Variants in FAM107B observed in about 807,000 individuals in gnomAD.
The protein encoded by FAM107B is family with sequence similarity 107 member B.
FAM107B carries 21 observed loss-of-function variants against 31.5 expected under a neutral mutation model. The observed-to-expected ratio is 0.67, with a 90% CI of 0.47 to 0.96. The LOEUF (loss-of-function observed/expected upper bound fraction) is 0.96, where lower values mean the gene tolerates loss of function less well. Among genes scored for constraint, FAM107B ranks in the 40% least tolerant of loss-of-function variants. FAM107B has a pLI of 0.00. For synonymous variants in FAM107B, 157 were observed against 141.5 expected (o/e 1.11, Z -0.78); for missense variants, 452 against 377.1 (o/e 1.20, Z -1.64).
chr10:14,569,674 TCAG>T (rs1406808408), intron 2 of FAM107B, among the ~76,000 whole-genome samples: 2 of 152,092 alleles, frequency 1.3e-5, no homozygotes, highest in Non-Finnish European at 2.9e-5. Flanking sequence ...AGCTCACAGG[TCAG>T]CAGAAGTGAC....
chr10:14,737,033 C>A (rs1399199926), intron 1 of FAM107B, among the ~76,000 whole-genome samples: 2 of 151,984 alleles, frequency 1.3e-5, no homozygotes, highest in Non-Finnish European at 2.9e-5. Context: ...CTTGAGAGCC[C>A]AGAGACAGAC....
At chr10:14,667,224 A>C (rs189976171) in intron 2 of FAM107B, among the ~76,000 whole-genome samples, 1 of 152,186 alleles carries the variant, frequency 6.6e-6, no homozygotes, top group Non-Finnish European at 1.5e-5. Flanking sequence ...GCGAAGCTGC[A>C]TACTTGACCA....
chr10:14,553,255 T>C (rs1219387821), intron 2 of FAM107B: 1 of 890,186 alleles, frequency 1.1e-6, no homozygotes, highest in Non-Finnish European at 1.5e-6. Flanking sequence ...AGGTAAGTTT[T>C]TCCCCTACAT....
At chr10:14,771,998 G>A (rs548423560) in intron 1 of FAM107B, among the ~76,000 whole-genome samples, 1 of 152,246 alleles carries the variant, frequency 6.6e-6, no homozygotes, top group Admixed American at 6.5e-5. Context: ...TCTCTTTGTG[G>A]CCTTGGGCAA....
intron 1 of FAM107B, among the ~76,000 whole-genome samples, chr10:14,753,096 T>C (rs969956175): frequency 6.6e-6 from 1 of 152,178 alleles, no homozygotes; most frequent in Non-Finnish European, 1.5e-5. Context: ...TCAAAAGCTA[T>C]TTATGGCATT....
intron 2 of FAM107B, among the ~76,000 whole-genome samples, chr10:14,666,396 T>A (rs901946472): frequency 6.6e-6 from 1 of 151,958 alleles, no homozygotes; most frequent in Non-Finnish European, 1.5e-5. Flanking sequence ...AACCATCAGA[T>A]CTCATGAGAA....
At chr10:14,603,617 G>A (rs1035694738) in intron 2 of FAM107B, among the ~76,000 whole-genome samples, 24 of 152,208 alleles carry the variant, frequency 1.6e-4, no homozygotes, top group African/African-American at 4.8e-4. Context: ...AAGATGCCTG[G>A]GGGAAATTAC....
chr10:14,661,834 G>A (rs868712578), intron 2 of FAM107B: 9 of 152,208 alleles, frequency 5.9e-5, no homozygotes, highest in Admixed American at 4.6e-4. Flanking sequence ...CAGCAACTTC[G>A]AATAACTGGC....
intron 2 of FAM107B, among the ~76,000 whole-genome samples, chr10:14,622,429 C>G (rs1351417316): frequency 1.3e-5 from 2 of 152,058 alleles, no homozygotes; most frequent in African/African-American, 4.8e-5. Context: ...GCCTCAACCT[C>G]CCGAGTAGCT....
intron 2 of FAM107B, among the ~76,000 whole-genome samples, chr10:14,555,039 C>T (rs1488395577): frequency 6.6e-6 from 1 of 152,210 alleles, no homozygotes; most frequent in Non-Finnish European, 1.5e-5. Context: ...CAGTACACAA[C>T]ACTGCCTGCT....
intron 1 of FAM107B, among the ~76,000 whole-genome samples, chr10:14,715,869 A>T (rs935747054): frequency 2.0e-5 from 3 of 151,956 alleles, no homozygotes; most frequent in Non-Finnish European, 4.4e-5. Context: ...AGGCCTTTGT[A>T]CTCTGACCAA....
chr10:14,755,872 C>T (rs1280156468), intron 1 of FAM107B, among the ~76,000 whole-genome samples: 1 of 152,128 alleles, frequency 6.6e-6, no homozygotes, highest in East Asian at 1.9e-4. Context: ...AAATTTTACT[C>T]TGAAAGTTTA....
intron 2 of FAM107B, among the ~76,000 whole-genome samples, chr10:14,585,611 C>A (rs750999465): frequency 4.6e-5 from 7 of 152,166 alleles, no homozygotes; most frequent in Admixed American, 2.0e-4. Context: ...AAACAGACGG[C>A]CATCTAAAAC....
intron 2 of FAM107B, among the ~76,000 whole-genome samples, chr10:14,623,768 G>C (rs1012843829): frequency 2.6e-5 from 4 of 152,214 alleles, no homozygotes; most frequent in Non-Finnish European, 5.9e-5. Context: ...GGAGGCCGCA[G>C]TGAGCTGAGA....
At chr10:14,532,667 C>A (rs1317888839) in intron 2 of FAM107B, 1 of 152,206 alleles carries the variant, frequency 6.6e-6, no homozygotes, top group Non-Finnish European at 1.5e-5. Context: ...TGCTCCTCGG[C>A]AAAATCCTAA....
At chr10:14,751,068 G>A (rs937586242) in intron 1 of FAM107B, among the ~76,000 whole-genome samples, 3 of 152,216 alleles carry the variant, frequency 2.0e-5, no homozygotes, top group Non-Finnish European at 4.4e-5. Context: ...CTGGCCCCAT[G>A]TGCTGTTGAC....
chr10:14,558,284 C>A (rs1028392300), intron 2 of FAM107B, among the ~76,000 whole-genome samples: 18 of 149,014 alleles, frequency 1.2e-4, no homozygotes, highest in African/African-American at 4.4e-4. Flanking sequence ...TGCACGCACA[C>A]ACACACATAC....
chr10:14,730,748 A>G (rs1326104298), intron 1 of FAM107B, among the ~76,000 whole-genome samples: 4 of 152,212 alleles, frequency 2.6e-5, no homozygotes, highest in Non-Finnish European at 5.9e-5. Flanking sequence ...ACTTAGATCT[A>G]TGGTGACCAG....
At chr10:14,669,784 G>A (rs766210641) in intron 1 of FAM107B, among the ~76,000 whole-genome samples, 20 of 152,308 alleles carry the variant, frequency 1.3e-4, no homozygotes, top group Admixed American at 2.6e-4. Flanking sequence ...GAAAGGGTGC[G>A]GTGTGGGGAA....
Sources: gnomAD v4.1 joint callset for allele counts (sites outside exome capture counted in the v4.1 genomes callset) on GRCh38, gnomAD v4.1.1 for gene constraint, MANE v1.5 for transcripts, NCBI Gene and HGNC (gene_info 2026-07-23, HGNC 2026-07-21) for gene names.